Variants in CRACDL observed in about 807,000 individuals in gnomAD.
CRACDL encodes the protein CRACD-like protein.
Under a neutral mutation model 70.6 loss-of-function variants are expected in CRACDL, and 26 were observed. That is an observed-to-expected ratio of 0.37 (90% CI 0.27 to 0.51). The LOEUF is 0.51. Among genes scored for constraint, CRACDL ranks in the 20% least tolerant of loss-of-function variants. The pLI is 0.94. For synonymous variants in CRACDL, 618 were observed against 615.2 expected (o/e 1.00, Z -0.07); for missense variants, 1,283 against 1,376.9 (o/e 0.93, Z 1.08).
At chr2:98,877,106 G>A (rs1402278430) in intron 1 of CRACDL, among the ~76,000 whole-genome samples, 2 of 152,256 alleles carry the variant, frequency 1.3e-5, no homozygotes, top group African/African-American at 4.8e-5. Flanking sequence ...ACTCCAGGCA[G>A]CTGTTGCCAG....
At chr2:98,810,984 A>AG (rs1398966864) in intron 7 of CRACDL, among the ~76,000 whole-genome samples, 2 of 151,766 alleles carry the variant, frequency 1.3e-5, no homozygotes, top group Admixed American at 6.6e-5. Flanking sequence ...AAAAAAAAAA[A>AG]GATGCCCATG....
In CRACDL at chr2:98,822,418, G is replaced by T. The variant is rs1333798804; in HGVS notation, c.1855C>A (p.Leu619Ile). Residue 619 changes from leucine (L) to isoleucine (I), a missense_variant, in exon 7 of 10, where the codon CTC becomes ATC. This residue lies in a region of CRACDL where 921 missense variants were observed against 881.9 expected (regional missense o/e 1.04). Transcript: ENST00000397899. This position sits in a 1 kb window ranked among gnomAD's most constrained non-coding sequence, Gnocchi z 4.9. The part of the protein sequence containing the change: ...SEAALDDLQG[L>I]PEPQHAKPGP... ...GGTTTCGCGTGCTGGGGCTCGGGGAGACCCTGGAGGTCGTCAAGAGCCGCC... is the reference window on the plus strand; with the variant it reads ...GGTTTCGCGTGCTGGGGCTCGGGGATACCCTGGAGGTCGTCAAGAGCCGCC... 6.8e-7 allele frequency: 1 copy of T among 1,481,186 alleles called. No homozygotes were observed. Among genetic ancestry groups the T allele is most frequent in the Non-Finnish European group, 8.9e-7 (1 of 1,124,448 alleles). The allele number at this position is 1,481,186 out of a possible 1,614,324, so 91.8% of individuals were successfully genotyped here. A position where few individuals can be genotyped will look rare whatever the true frequency, so the allele number is the denominator to read the frequency against.
chr2:98,808,473 G>C (rs1191577073), intron 7 of CRACDL, among the ~76,000 whole-genome samples: 13 of 152,172 alleles, frequency 8.5e-5, no homozygotes, highest in African/African-American at 2.9e-4. Context: ...AGAGCTCACA[G>C]TATGTTGTCC....
intron 1 of CRACDL, among the ~76,000 whole-genome samples, chr2:98,879,076 C>T (rs756422271): frequency 2.0e-5 from 3 of 152,288 alleles, no homozygotes; most frequent in East Asian, 1.9e-4. Flanking sequence ...TCCCTTCCTC[C>T]GAGCCCCTGC....
intron 7 of CRACDL, among the ~76,000 whole-genome samples, chr2:98,808,366 G>A (rs933564984): frequency 2.5e-4 from 38 of 152,270 alleles, no homozygotes; most frequent in Admixed American, 9.1e-4. Flanking sequence ...CCAAATCTGT[G>A]GGGGTGGACT....
At chr2:98,906,260 CTTTTT>C (rs200373942) in intron 1 of CRACDL, among the ~76,000 whole-genome samples, 1 of 139,160 alleles carries the variant, frequency 7.2e-6, no homozygotes. Flanking sequence ...TTTTCTTTTC[CTTTTT>C]TTTTTTTTTT....
chr2:98,842,899 TGTGTGTA>T (rs1706094909), intron 2 of CRACDL, among the ~76,000 whole-genome samples: 1 of 151,878 alleles, frequency 6.6e-6, no homozygotes, highest in African/African-American at 2.4e-5. Flanking sequence ...TGTGTGTGTG[TGTGTGTA>T]AACATAAGTT....
Position 98,822,446 on chromosome 2 carries a change from G to A in CRACDL, c.1827C>T (p.Ser609=). The A allele has an allele frequency of 2.0e-6, 3 of 1,483,182 alleles. No homozygotes were observed. The highest frequency in any genetic ancestry group is 2.7e-6 in the Non-Finnish European group (3 of 1,125,056). 91.9% of individuals were successfully genotyped at this position (1,483,182 alleles called of 1,614,324 possible). Residue 609 remains serine (S), a synonymous_variant, in exon 7 of 10, where the codon AGC becomes AGT. Transcript: ENST00000397899. This position sits in a 1 kb window ranked among gnomAD's most constrained non-coding sequence, Gnocchi z 4.9. ...PLARSGPVWR[S]EAALDDLQGL... is the part of the protein sequence containing the mutation. Reference sequence around the variant, plus strand: ...CCTGGAGGTCGTCAAGAGCCGCCTCGCTCCTCCAGACCGGGCCGCTCCTCG... The same window carrying A: ...CCTGGAGGTCGTCAAGAGCCGCCTCACTCCTCCAGACCGGGCCGCTCCTCG...
At position 98,796,223 on chromosome 2, in the gene CRACDL, G is replaced by A. The variant is rs1703816445; in HGVS notation, c.2646C>T (p.Phe882=). The A allele has an allele frequency of 6.2e-7, 1 of 1,614,208 alleles. No individual in the cohort carries two copies. Among genetic ancestry groups the A allele is most frequent in the Non-Finnish European group, 8.5e-7 (1 of 1,180,014 alleles). ...KQADFVRSKS[F]LITPVKPAVD... Reference sequence around the variant, plus strand: ...CAGCGGGCTTCACAGGGGTTATCAGGAAAGACTTGCTGCGAACAAAGTCAG... The same window carrying A: ...CAGCGGGCTTCACAGGGGTTATCAGAAAAGACTTGCTGCGAACAAAGTCAG... Residue 882 remains phenylalanine, a synonymous_variant, in exon 9 of 10, where the codon TTC becomes TTT. Coordinates refer to ENST00000397899, the MANE Select transcript of CRACDL (RefSeq NM_207362.3).
intron 9 of CRACDL, among the ~76,000 whole-genome samples, chr2:98,795,077 A>ATATATATATATATATATTTT: frequency 5.1e-5 from 3 of 58,488 alleles, no homozygotes; most frequent in African/African-American, 1.3e-4. Flanking sequence ...ATATATATAT[A>ATATATATATATATATATTTT]TTTTTTTTTT....
At chr2:98,901,683 A>G (rs910775500) in intron 1 of CRACDL, among the ~76,000 whole-genome samples, 1 of 152,252 alleles carries the variant, frequency 6.6e-6, no homozygotes, top group Non-Finnish European at 1.5e-5. Flanking sequence ...AGAGTCTCCA[A>G]TTTATACTCT....
In CRACDL at chr2:98,806,020, G is replaced by A. The variant is rs568680913; in HGVS notation, c.2417-8483C>T. 1.6e-3 allele frequency among the ~76,000 whole-genome samples: 245 copies of A among 152,370 alleles called. 1 individual carries two copies. The highest frequency in any genetic ancestry group is 6.8e-3 in the Middle Eastern group (2 of 294). On this transcript the variant is annotated intron_variant, in intron 7 of 9. Coordinates refer to ENST00000397899, the MANE Select transcript of CRACDL (RefSeq NM_207362.3). Reference sequence around the variant, plus strand: ...AGGGCCCAGAGGGGCCGTCTTCCCCGGTGAAAAGGCTGAGGGAGACAGAGA... The same window carrying A: ...AGGGCCCAGAGGGGCCGTCTTCCCCAGTGAAAAGGCTGAGGGAGACAGAGA...
chr2:98,827,916 C>G (rs1215834998), intron 5 of CRACDL, among the ~76,000 whole-genome samples: 2 of 152,234 alleles, frequency 1.3e-5, no homozygotes, highest in Non-Finnish European at 2.9e-5. Flanking sequence ...GCCCACTGCC[C>G]AGTATTCCAT....
At chr2:98,902,218 C>A (rs1336209330) in intron 1 of CRACDL, among the ~76,000 whole-genome samples, 3 of 152,184 alleles carry the variant, frequency 2.0e-5, no homozygotes, top group Non-Finnish European at 4.4e-5. Flanking sequence ...GGAGGCAGCA[C>A]AGGTGTAGTC....
At chr2:98,913,770 T>G (rs750275347) in intron 1 of CRACDL, among the ~76,000 whole-genome samples, 1 of 152,232 alleles carries the variant, frequency 6.6e-6, no homozygotes, top group African/African-American at 2.4e-5. Flanking sequence ...GTCGTTAGAA[T>G]GAAGATTCAG....
chr2:98,853,568 T>C (rs1046923561), intron 1 of CRACDL, among the ~76,000 whole-genome samples: 2 of 152,150 alleles, frequency 1.3e-5, no homozygotes, highest in African/African-American at 4.8e-5. Flanking sequence ...CAGATTGAAA[T>C]TGAAAGCTAT....
Position 98,797,658 on chromosome 2 carries a change from G to C in CRACDL, c.2417-121C>G, listed in dbSNP as rs539490615. On this transcript the variant is annotated intron_variant, in intron 7 of 9. Coordinates refer to ENST00000397899, the MANE Select transcript of CRACDL (RefSeq NM_207362.3). Reference sequence around the variant, plus strand: ...TCAGGGTTGCAGGGTGTCTGGGAGAGGATTACTTTCTTTAGGGGCTTTGTT... The same window carrying C: ...TCAGGGTTGCAGGGTGTCTGGGAGACGATTACTTTCTTTAGGGGCTTTGTT... 6.3e-5 allele frequency: 55 copies of C among 866,894 alleles called. No homozygotes were observed. The South Asian group carries it at 9.6e-4, about 15-fold the overall frequency. 53.7% of individuals were successfully genotyped at this position (866,894 alleles called of 1,614,324 possible).
In CRACDL at chr2:98,823,653, G is replaced by T; in HGVS notation, c.736-116C>A. The T allele has an allele frequency of 7.6e-7, 1 of 1,311,028 alleles. No homozygotes were observed. The highest frequency in any genetic ancestry group is 1.1e-6 in the Non-Finnish European group (1 of 947,172). 81.2% of individuals were successfully genotyped at this position (1,311,028 alleles called of 1,614,324 possible). On this transcript the variant is annotated intron_variant, in intron 6 of 9. Transcript: ENST00000397899. The surrounding 1 kb of genome is among the most constrained non-coding windows in gnomAD (Gnocchi z 4.0). The stretch of plus-strand genomic sequence containing the variant: ...TAGTGATAGCAGCACTATAAAGCTG[G>T]CACTTAAGTAGGCATGTACCCACGG...
At chr2:98,859,671 G>C (rs1706855577) in intron 1 of CRACDL, among the ~76,000 whole-genome samples, 2 of 152,222 alleles carry the variant, frequency 1.3e-5, no homozygotes, top group South Asian at 4.2e-4. Flanking sequence ...GCATGACAAA[G>C]GGCATCTATG....
Sources: allele counts gnomAD v4.1 joint callset (sites outside exome capture counted in the v4.1 genomes callset), GRCh38; gene constraint gnomAD v4.1.1; regional missense constraint gnomAD v4.1.1; non-coding constraint Gnocchi (gnomAD v3.1); transcripts MANE v1.5; gene names NCBI Gene and HGNC (gene_info 2026-07-23, HGNC 2026-07-21).